Variants in FARP2 observed in about 807,000 individuals in gnomAD.
The protein encoded by FARP2 is FERM, ARH/RhoGEF and pleckstrin domain protein 2, also known as FERM, ARHGEF and pleckstrin domain-containing protein 2.
In FARP2, 111 loss-of-function variants were observed where a neutral mutation model predicts 130.5. The observed-to-expected ratio is 0.85, with a 90% confidence interval of 0.73 to 1.00. The LOEUF (loss-of-function observed/expected upper bound fraction) is 1.00. FARP2 is among the 50% of genes least tolerant of loss of function. FARP2 has a pLI of 0.00. For synonymous variants in FARP2, 504 were observed against 516.9 expected (o/e 0.98, Z 0.34); for missense variants, 1,385 against 1,346.3 (o/e 1.03, Z -0.45).
chr2:241,424,671 G>A (rs1193648175), intron 8 of FARP2, among the ~76,000 whole-genome samples: 1 of 151,458 alleles, frequency 6.6e-6, no homozygotes, highest in African/African-American at 2.4e-5. Flanking sequence ...CCAGGAGCTG[G>A]TTTTTTGAAA....
At chr2:241,387,904 A>G (rs1238926552) in intron 2 of FARP2, among the ~76,000 whole-genome samples, 2 of 152,182 alleles carry the variant, frequency 1.3e-5, no homozygotes, top group Non-Finnish European at 2.9e-5. Flanking sequence ...AGAAAATCAT[A>G]AAAGTATTGA....
chr2:241,467,152 G>A (rs2064193706), intron 17 of FARP2, among the ~76,000 whole-genome samples: 1 of 152,102 alleles, frequency 6.6e-6, no homozygotes, highest in African/African-American at 2.4e-5. Flanking sequence ...GTACTCAGGG[G>A]GCTGAAGCAG....
At chr2:241,455,662 A>G (rs544723282) in intron 13 of FARP2, among the ~76,000 whole-genome samples, 2 of 151,260 alleles carry the variant, frequency 1.3e-5, no homozygotes, top group East Asian at 3.9e-4. Flanking sequence ...GATTACAGGT[A>G]TGAGCCACCA....
At chr2:241,411,995 TG>T (rs775515486) in intron 6 of FARP2, among the ~76,000 whole-genome samples, 168 of 152,292 alleles carry the variant, frequency 1.1e-3, no homozygotes, top group Admixed American at 3.3e-3. Context: ...ACGAATGCAA[TG>T]TATGACTGAA....
rs1553709361 is a variant in FARP2 at position 241,382,290 on chromosome 2, C to CTCTTTT, written c.183+9001_183+9002insCTTTTT. ...TATTTTCAGTTTCTCTGTACAAAAT[C>CTCTTTT]TATTTTTTTTTTTTTTTTTTTTGAG... On this transcript the variant is annotated intron_variant, in intron 2 of 26. Coordinates refer to ENST00000264042, the MANE Select transcript of FARP2 (RefSeq NM_014808.4). Among the ~76,000 whole-genome samples the CTCTTTT allele has an allele frequency of 3.9e-5, 5 of 127,198 alleles. 1 individual carries two copies. Among genetic ancestry groups the CTCTTTT allele is most frequent in the African/African-American group, 2.8e-5 (1 of 36,148 alleles). The allele number at this position is 127,198 out of a possible 152,430, so 83.4% of individuals were successfully genotyped here. A position where few individuals can be genotyped will look rare whatever the true frequency, so the allele number is the denominator to read the frequency against.
chr2:241,439,349 A>T (rs1044954065), intron 12 of FARP2, among the ~76,000 whole-genome samples: 1 of 151,408 alleles, frequency 6.6e-6, no homozygotes, highest in Admixed American at 6.6e-5. Flanking sequence ...CTTTTTTTTG[A>T]GACAGAGTCT....
At position 241,463,893 on chromosome 2, in the gene FARP2, A is replaced by T. The variant is rs762295762; in HGVS notation, c.1812-6A>T. 25 of 1,612,486 alleles carry T rather than the reference A, an allele frequency of 1.6e-5. No homozygotes were observed. The Admixed American group carries it at 2.3e-4, about 15-fold the overall frequency. ...GTTTAGGATGACTTTGTTTCTTTTT[A>T]CTCAGGGAAGGGCCCTCCAAAGCCC... On this transcript the variant is annotated splice_region_variant and splice_polypyrimidine_tract_variant and intron_variant, in intron 16 of 26. Coordinates refer to ENST00000264042, the MANE Select transcript of FARP2 (RefSeq NM_014808.4).
intron 8 of FARP2, among the ~76,000 whole-genome samples, chr2:241,430,936 G>T (rs1028227165): frequency 1.3e-5 from 2 of 151,602 alleles, no homozygotes; most frequent in African/African-American, 4.9e-5. Context: ...GGAGGCGGAG[G>T]TTACAGCGAA....
intron 8 of FARP2, among the ~76,000 whole-genome samples, chr2:241,425,693 A>T (rs1210543119): frequency 1.3e-5 from 2 of 148,326 alleles, no homozygotes; most frequent in Non-Finnish European, 3.0e-5. Flanking sequence ...TTCACAGCTG[A>T]ATTCAACCAG....
intron 19 of FARP2, chr2:241,478,728 G>A: frequency 2.2e-6 from 1 of 460,342 alleles, no homozygotes; most frequent in Non-Finnish European, 4.4e-6. Flanking sequence ...GAACAAGAGA[G>A]CAAAACATCA....
chr2:241,446,088 C>T (rs920749057), intron 13 of FARP2: 1 of 152,160 alleles, frequency 6.6e-6, no homozygotes, highest in Non-Finnish European at 1.5e-5. Context: ...AGTCCAGGTA[C>T]TTTATGTAGG....
chr2:241,376,088 A>G (rs1296834101), intron 2 of FARP2, among the ~76,000 whole-genome samples: 3 of 152,156 alleles, frequency 2.0e-5, no homozygotes, highest in African/African-American at 7.2e-5. Flanking sequence ...TGGAGGCTCT[A>G]CTAGGCTGAC....
chr2:241,485,693 C>T (rs1406712947), intron 21 of FARP2, among the ~76,000 whole-genome samples: 1 of 151,096 alleles, frequency 6.6e-6, no homozygotes, highest in Non-Finnish European at 1.5e-5. Flanking sequence ...CTGGGATCTC[C>T]CTCCCTGGGG....
intron 17 of FARP2, chr2:241,465,689 A>G (rs564418843): frequency 1.4e-5 from 21 of 1,550,932 alleles, no homozygotes; most frequent in Non-Finnish European, 1.7e-5. Flanking sequence ...TCATGAGTTC[A>G]CCACGTGACC....
chr2:241,445,695 C>G (rs771092007), intron 13 of FARP2: 9 of 152,252 alleles, frequency 5.9e-5, no homozygotes, highest in Admixed American at 1.3e-4. Context: ...CTCAGCACTC[C>G]TGGAAGTGTC....
intron 21 of FARP2, among the ~76,000 whole-genome samples, chr2:241,485,132 T>C (rs936346982): frequency 6.6e-6 from 1 of 151,974 alleles, no homozygotes; most frequent in Non-Finnish European, 1.5e-5. Flanking sequence ...CTTCTCTCCT[T>C]GAGATCCTCC....
intron 13 of FARP2, among the ~76,000 whole-genome samples, chr2:241,454,189 G>A (rs2063771166): frequency 6.6e-6 from 1 of 152,102 alleles, no homozygotes; most frequent in Non-Finnish European, 1.5e-5. Flanking sequence ...GGCCTCGTGA[G>A]TATGCCGTTT....
At chr2:241,386,533 T>A (rs2061787895) in intron 2 of FARP2, among the ~76,000 whole-genome samples, 1 of 152,206 alleles carries the variant, frequency 6.6e-6, no homozygotes, top group African/African-American at 2.4e-5. Context: ...GGGAAGCGTT[T>A]AAAGATTGGT....
intron 4 of FARP2, among the ~76,000 whole-genome samples, chr2:241,406,138 C>T (rs1257854491): frequency 1.3e-5 from 2 of 151,464 alleles, no homozygotes; most frequent in Non-Finnish European, 1.5e-5. Context: ...TCCGCCTCTA[C>T]TAAAAATATA....
Sources: gnomAD v4.1 joint callset for allele counts (sites outside exome capture counted in the v4.1 genomes callset) on GRCh38, gnomAD v4.1.1 for gene constraint, MANE v1.5 for transcripts, NCBI Gene and HGNC (gene_info 2026-07-23, HGNC 2026-07-21) for gene names.